The following CFAP61 variants were observed in gnomAD, a reference collection of about 807,000 sequenced individuals.
CFAP61 encodes the protein cilia and flagella associated protein 61.
Under a neutral mutation model 135.6 loss-of-function variants are expected in CFAP61, and 107 were observed. That is an observed-to-expected ratio of 0.79 (90% CI 0.67 to 0.93). The LOEUF (loss-of-function observed/expected upper bound fraction) is 0.93, where lower values mean the gene tolerates loss of function less well. CFAP61 is among the 40% of genes least tolerant of loss of function. CFAP61 has a pLI of 0.00. For missense variants in CFAP61, 1,507 were observed against 1,556.2 expected (o/e 0.97, Z 0.53); for synonymous variants, 575 against 578.5 (o/e 0.99, Z 0.09).
intron 24 of CFAP61, among the ~76,000 whole-genome samples, chr20:20,294,934 C>A (rs987418133): frequency 1.0e-5 from 1 of 98,362 alleles, no homozygotes; most frequent in Non-Finnish European, 2.0e-5. Flanking sequence ...GACTCCGTCT[C>A]AAAAATAATA....
chr20:20,145,011 C>G (rs917141644), intron 9 of CFAP61, among the ~76,000 whole-genome samples: 2 of 152,092 alleles, frequency 1.3e-5, no homozygotes, highest in African/African-American at 4.8e-5. Context: ...CCAGCAGACC[C>G]ACATTACGAG....
At chr20:20,202,984 G>A (rs375324220) in intron 17 of CFAP61, among the ~76,000 whole-genome samples, 3 of 152,016 alleles carry the variant, frequency 2.0e-5, no homozygotes, top group Non-Finnish European at 2.9e-5. Flanking sequence ...ATTTCATCTC[G>A]GTAGGTTGCC....
chr20:20,070,117 T>C (rs2045600816), intron 2 of CFAP61, among the ~76,000 whole-genome samples: 1 of 152,208 alleles, frequency 6.6e-6, no homozygotes, highest in African/African-American at 2.4e-5. Context: ...TGGGAGGGAT[T>C]GTCAAGATAG....
At chr20:20,310,925 T>C (rs2122194330) in intron 25 of CFAP61, among the ~76,000 whole-genome samples, 1 of 152,348 alleles carries the variant, frequency 6.6e-6, no homozygotes, top group Middle Eastern at 3.4e-3. Flanking sequence ...GGGTGTTTTA[T>C]AGAGTGGAGG....
Position 20,288,943 on chromosome 20 carries a change from G to T in CFAP61, c.3124+7G>T, listed in dbSNP as rs201549099. 3 of 1,597,034 alleles carry T rather than the reference G, an allele frequency of 1.9e-6. No individual in the cohort carries two copies. The highest frequency in any genetic ancestry group is 4.5e-5 in the East Asian group (2 of 44,426). ...AAGGGAGCCAAGATTCAAGGTATAC[G>T]AGTAGGCTTCCTTCTCCTTGATGAA... On this transcript the variant is annotated splice_region_variant and intron_variant, in intron 23 of 26. Coordinates refer to ENST00000245957, the MANE Select transcript of CFAP61 (RefSeq NM_015585.4).
At chr20:20,197,844 C>T (rs1448289857) in intron 16 of CFAP61, among the ~76,000 whole-genome samples, 1 of 152,184 alleles carries the variant, frequency 6.6e-6, no homozygotes, top group African/African-American at 2.4e-5. Flanking sequence ...CACTCATGAA[C>T]TCAAACTTTC....
intron 8 of CFAP61, among the ~76,000 whole-genome samples, chr20:20,103,884 G>T (rs540477384): frequency 6.6e-6 from 1 of 152,114 alleles, no homozygotes; most frequent in Non-Finnish European, 1.5e-5. Flanking sequence ...TGGCATTGCC[G>T]CATTTAATAG....
intron 8 of CFAP61, among the ~76,000 whole-genome samples, chr20:20,101,700 A>G (rs1471734678): frequency 2.0e-5 from 3 of 152,002 alleles, no homozygotes; most frequent in African/African-American, 2.4e-5. Flanking sequence ...ATCTCAGCTC[A>G]TTGCAACCTC....
chr20:20,203,940 G>A (rs1432303399), intron 17 of CFAP61, among the ~76,000 whole-genome samples: 1 of 152,154 alleles, frequency 6.6e-6, no homozygotes, highest in Non-Finnish European at 1.5e-5. Context: ...TTCCTGGAGA[G>A]GGAATGTGTT....
At chr20:20,083,103 G>A (rs766555315) in intron 6 of CFAP61, among the ~76,000 whole-genome samples, 5 of 152,152 alleles carry the variant, frequency 3.3e-5, no homozygotes, top group Non-Finnish European at 7.3e-5. Flanking sequence ...AGTGCCCATC[G>A]ACCAATGAGT....
At chr20:20,320,356 A>G (rs868430507) in intron 25 of CFAP61, among the ~76,000 whole-genome samples, 2 of 19,794 alleles carry the variant, frequency 1.0e-4, no homozygotes, top group African/African-American at 1.7e-4. Context: ...TAATATATAT[A>G]ATATATGTAA....
In CFAP61 at chr20:20,188,018, G is replaced by A; in HGVS notation, c.1474G>A (p.Glu492Lys). Reference sequence around the variant, plus strand: ...CCTCATGTTGAATAAAAGCATATTGGAGGACTTAGACCGTTACAACAAGGC... The same window carrying A: ...CCTCATGTTGAATAAAAGCATATTGAAGGACTTAGACCGTTACAACAAGGC... ...STLMLNKSIL[E>K]DLDRYNKARK... is the part of the protein sequence containing the mutation. The change falls in exon 14 of 27, where the codon GAG (glutamate) becomes AAG (lysine). Residue 492 changes from glutamate to lysine, a missense_variant. By Grantham distance (56) the Glu-to-Lys change is moderately conservative. Coordinates refer to ENST00000245957, the MANE Select transcript of CFAP61 (RefSeq NM_015585.4). The A allele has an allele frequency of 6.2e-7, 1 of 1,614,138 alleles. No homozygotes were observed. Among genetic ancestry groups the A allele is most frequent in the Non-Finnish European group, 8.5e-7 (1 of 1,179,992 alleles).
chr20:20,347,353 C>T (rs1602127896), intron 26 of CFAP61, among the ~76,000 whole-genome samples: 3 of 151,590 alleles, frequency 2.0e-5, no homozygotes, highest in Admixed American at 2.0e-4. Context: ...AAGCCTAATG[C>T]CAGCAGAAGA....
intron 6 of CFAP61, among the ~76,000 whole-genome samples, chr20:20,085,877 G>A (rs1330213604): frequency 1.3e-5 from 2 of 152,152 alleles, no homozygotes; most frequent in African/African-American, 4.8e-5. Context: ...TATCATCAAG[G>A]ACTCTTTTTT....
intron 21 of CFAP61, among the ~76,000 whole-genome samples, chr20:20,264,242 T>C (rs1479795900): frequency 2.0e-5 from 3 of 152,176 alleles, no homozygotes; most frequent in African/African-American, 7.2e-5. Context: ...CTTTTATGCA[T>C]TGCTTGTCAG....
At chr20:20,192,179 C>T (rs2055966074) in intron 15 of CFAP61, among the ~76,000 whole-genome samples, 1 of 152,034 alleles carries the variant, frequency 6.6e-6, no homozygotes, top group Non-Finnish European at 1.5e-5. Flanking sequence ...AGAGACTTCC[C>T]TATTAGGATC....
intron 22 of CFAP61, among the ~76,000 whole-genome samples, chr20:20,278,079 A>G (rs1486311726): frequency 1.3e-5 from 2 of 152,236 alleles, no homozygotes; most frequent in African/African-American, 4.8e-5. Flanking sequence ...CTGCCTGTTC[A>G]TGGAGGTCAA....
At chr20:20,158,380 T>G (rs2053126037) in intron 9 of CFAP61, among the ~76,000 whole-genome samples, 2 of 144,670 alleles carry the variant, frequency 1.4e-5, no homozygotes, top group Non-Finnish European at 3.0e-5. Flanking sequence ...ATTTGAACTT[T>G]CCAAAATAAG....
intron 13 of CFAP61, among the ~76,000 whole-genome samples, chr20:20,182,646 A>G (rs538195845): frequency 3.7e-4 from 57 of 152,304 alleles, no homozygotes; most frequent in African/African-American, 1.3e-3. Context: ...GATTTTAAGG[A>G]AATATGTCTT....
Sources: allele counts gnomAD v4.1 joint callset (sites outside exome capture counted in the v4.1 genomes callset), GRCh38; gene constraint gnomAD v4.1.1; transcripts MANE v1.5; gene names NCBI Gene and HGNC (gene_info 2026-07-23, HGNC 2026-07-21).